NRXN3: variants seen among roughly 807,000 people sequenced by gnomAD.
The protein encoded by NRXN3 is neurexin 3, also known as neurexin III.
Under a neutral mutation model 137.6 loss-of-function variants are expected in NRXN3, and 32 were observed. The ratio of observed to expected loss-of-function variants is 0.23; its 90% CI spans 0.18 to 0.31. The LOEUF (loss-of-function observed/expected upper bound fraction) is 0.31, where lower values mean the gene tolerates loss of function less well. NRXN3 is among the 10% of genes least tolerant of loss of function. NRXN3 has a pLI of 1.00. For missense variants in NRXN3, 1,574 were observed against 2,062.5 expected (o/e 0.76, Z 4.59); for synonymous variants, 798 against 784.5 (o/e 1.02, Z -0.29).
chr14:78,767,686 C>G (rs1044635291), intron 8 of NRXN3, among the ~76,000 whole-genome samples: 3 of 152,152 alleles, frequency 2.0e-5, no homozygotes, highest in Non-Finnish European at 2.9e-5. Flanking sequence ...ATAACTGATA[C>G]AGGGCTTTTA....
chr14:79,354,713 T>C (rs970673448), intron 15 of NRXN3, among the ~76,000 whole-genome samples: 1 of 152,228 alleles, frequency 6.6e-6, no homozygotes, highest in African/African-American at 2.4e-5. Context: ...GTTGTTAAAA[T>C]ACCGGAAGGA....
At chr14:79,206,505 C>G (rs1004880799) in intron 15 of NRXN3, among the ~76,000 whole-genome samples, 1 of 152,130 alleles carries the variant, frequency 6.6e-6, no homozygotes, top group African/African-American at 2.4e-5. Flanking sequence ...GCTGTTAACT[C>G]CAGAGACAGG....
Position 79,644,740 on chromosome 14 carries a change from A to G in NRXN3, c.3445-19038A>G, listed in dbSNP as rs545465766. ...GCCGTGTACATTTTAAATCAAGTCA[A>G]TAATTATTGTAGTGCACCTAATGAT... On this transcript the variant is annotated intron_variant, in intron 16 of 20. Coordinates refer to ENST00000335750, the MANE Select transcript of NRXN3 (RefSeq NM_001330195.2). 2.2e-5 allele frequency among the ~76,000 whole-genome samples: 3 copies of G among 136,048 alleles called. No homozygotes were observed. In the East Asian group the frequency reaches 5.9e-4, roughly 27 times the overall value. 89.3% of individuals were successfully genotyped at this position (136,048 alleles called of 152,430 possible).
intron 4 of NRXN3, among the ~76,000 whole-genome samples, chr14:78,386,847 C>G (rs1249357721): frequency 1.3e-5 from 2 of 151,960 alleles, no homozygotes; most frequent in East Asian, 3.9e-4. Context: ...GCGGTGCCAT[C>G]TTGGCTCACT....
At chr14:78,900,466 C>T (rs1349149987) in intron 10 of NRXN3, among the ~76,000 whole-genome samples, 1 of 149,066 alleles carries the variant, frequency 6.7e-6, no homozygotes, top group African/African-American at 2.5e-5. Context: ...CACTATCTAT[C>T]ATTACTACGT....
chr14:78,776,561 T>G (rs1201998492), intron 8 of NRXN3, among the ~76,000 whole-genome samples: 2 of 152,204 alleles, frequency 1.3e-5, no homozygotes, highest in African/African-American at 4.8e-5. Flanking sequence ...GAATATAAAA[T>G]GTGTACAGAC....
At position 79,279,910 on chromosome 14, in the gene NRXN3, G is replaced by A. The variant is rs896715692; in HGVS notation, c.3263-187311G>A. ...CTTCCTTCATTGCCACCTTTCCTCT[G>A]TGTGGCTCCCGGGAGTGTGCGGTTA... is the stretch of plus-strand genomic sequence containing the variant. On this transcript the variant is annotated intron_variant, in intron 15 of 20. Transcript: ENST00000335750. 4.8e-6 allele frequency: 5 copies of A among 1,042,302 alleles called. No homozygotes were observed. In the African/African-American group the frequency reaches 8.5e-5, roughly 18 times the overall value. The allele number at this position is 1,042,302 out of a possible 1,614,324, so 64.6% of individuals were successfully genotyped here.
At chr14:78,690,587 A>C (rs1286074530) in intron 6 of NRXN3, among the ~76,000 whole-genome samples, 1 of 152,230 alleles carries the variant, frequency 6.6e-6, no homozygotes, top group South Asian at 2.1e-4. Context: ...CAAATAAAAT[A>C]TGGTCTTAAA....
At chr14:78,766,371 ATATT>A (rs2098709173) in intron 8 of NRXN3, among the ~76,000 whole-genome samples, 1 of 152,220 alleles carries the variant, frequency 6.6e-6, no homozygotes, top group Non-Finnish European at 1.5e-5. Context: ...CAGAAGGAAA[ATATT>A]TATAGAAGTC....
chr14:78,860,355 A>T (rs1007617998), intron 10 of NRXN3, among the ~76,000 whole-genome samples: 1 of 152,118 alleles, frequency 6.6e-6, no homozygotes, highest in Non-Finnish European at 1.5e-5. Flanking sequence ...ATTCAAGTTC[A>T]TGCTTAAATT....
At chr14:79,512,556 G>C (rs543826470) in intron 16 of NRXN3, among the ~76,000 whole-genome samples, 44 of 152,272 alleles carry the variant, frequency 2.9e-4, no homozygotes, top group African/African-American at 1.1e-3. Context: ...TAATAAAATT[G>C]CTCTTTATGG....
At chr14:78,186,692 A>G (rs941545252) in intron 1 of NRXN3, among the ~76,000 whole-genome samples, 2 of 152,172 alleles carry the variant, frequency 1.3e-5, no homozygotes, top group African/African-American at 2.4e-5. Context: ...AGCTGGCAAA[A>G]GAGGGCTTTT....
At position 78,705,374 on chromosome 14, in the gene NRXN3, C is replaced by T. The variant is rs145296423; in HGVS notation, c.1222-3843C>T. The stretch of plus-strand genomic sequence containing the variant: ...GACCCAGGGTGCCAGTACACTTCTG[C>T]GTGGCTGTGGCTGTGGTTCTGCACA... On this transcript the variant is annotated intron_variant, in intron 6 of 20. Coordinates refer to ENST00000335750, the MANE Select transcript of NRXN3 (RefSeq NM_001330195.2). Among the ~76,000 whole-genome samples the T allele has an allele frequency of 2.7e-3, 416 of 152,278 alleles. 3 individuals carry two copies. Among genetic ancestry groups the T allele is most frequent in the African/African-American group, 9.5e-3 (395 of 41,564 alleles).
chr14:78,311,462 C>T (rs747690913), intron 4 of NRXN3, among the ~76,000 whole-genome samples: 3 of 152,206 alleles, frequency 2.0e-5, no homozygotes, highest in African/African-American at 4.8e-5. Context: ...GCAGGCTGCA[C>T]ACAGCCCAGG....
chr14:79,195,867 C>T (rs1350043182), intron 15 of NRXN3, among the ~76,000 whole-genome samples: 1 of 152,184 alleles, frequency 6.6e-6, no homozygotes, highest in Non-Finnish European at 1.5e-5. Flanking sequence ...AAATAGTTAA[C>T]TTGAGATAGG....
chr14:78,403,807 G>A, intron 4 of NRXN3: 1 of 985,418 alleles, frequency 1.0e-6, no homozygotes, highest in Non-Finnish European at 1.2e-6. Context: ...TCTGCCCCCT[G>A]AGGTTGTGCT....
chr14:78,987,986 T>G, intron 14 of NRXN3, 36 bp from the exon 15 acceptor site: 1 of 1,590,394 alleles, frequency 6.3e-7, no homozygotes, highest in South Asian at 1.1e-5. Context: ...CTCTCTCTCC[T>G]TTTTCTTTTT....
At chr14:79,601,069 G>T (rs1220952152) in intron 16 of NRXN3, among the ~76,000 whole-genome samples, 1 of 117,068 alleles carries the variant, frequency 8.5e-6, no homozygotes, top group East Asian at 2.7e-4. Context: ...TTTTGAGATG[G>T]AGTCTCACTC....
chr14:78,755,161 G>A (rs1040395653), intron 8 of NRXN3, among the ~76,000 whole-genome samples: 11 of 150,790 alleles, frequency 7.3e-5, no homozygotes, highest in African/African-American at 2.4e-4. Context: ...GACTATGGGT[G>A]TGCACCACCA....
Sources: gnomAD v4.1 joint callset for allele counts (sites outside exome capture counted in the v4.1 genomes callset) on GRCh38, gnomAD v4.1.1 for gene constraint, MANE v1.5 for transcripts, NCBI Gene and HGNC (gene_info 2026-07-23, HGNC 2026-07-21) for gene names.